ZNF354A: variants seen among roughly 807,000 people sequenced by gnomAD.
ZNF354A encodes the protein epididymis luminal protein 104.
ZNF354A carries 25 observed loss-of-function variants against 53.3 expected under a neutral mutation model. That is an observed-to-expected ratio of 0.47 (90% CI 0.34 to 0.66). ZNF354A has a LOEUF of 0.66. Ranked by LOEUF, ZNF354A falls within the 30% of genes least tolerant of loss-of-function variation. The probability of loss-of-function intolerance (pLI) is 0.01; values close to 1 mark genes in which losing one functional copy is unlikely to be tolerated. For missense variants in ZNF354A, 586 were observed against 716.8 expected, an observed-to-expected ratio of 0.82 and a Z score of 2.08; for synonymous variants, 228 against 249.0, an observed-to-expected ratio of 0.92 and a Z score of 0.79.
At chr5:178,721,594 A>G (rs4579271) in intron 4 of ZNF354A, among the ~76,000 whole-genome samples, 143,702 of 152,218 alleles carry the variant, frequency 0.94, 68,086 homozygotes, top group Middle Eastern at 0.99. Context: ...ACTCCATAGT[A>G]GAAGTTACAG....
chr5:178,718,262 GT>G (rs1262951399), intron 4 of ZNF354A, among the ~76,000 whole-genome samples: 2 of 152,228 alleles, frequency 1.3e-5, no homozygotes, highest in Non-Finnish European at 2.9e-5. Context: ...CTGAGGTGCA[GT>G]TCAACCTTTG....
At chr5:178,728,084 T>C (rs7736895) in intron 2 of ZNF354A, among the ~76,000 whole-genome samples, 1,967 of 152,246 alleles carry the variant, frequency 0.013, 31 homozygotes, top group African/African-American at 0.045. Context: ...TCAGGCGATC[T>C]GCCGGCCTCG....
Position 178,712,949 on chromosome 5 carries a change from C to T in ZNF354A, c.929G>A (p.Arg310Lys). The change falls in exon 5 of 5, where the codon AGG becomes AAG. Residue 310 changes from arginine (R) to lysine (K), a missense_variant. By Grantham distance (26) the Arg-to-Lys change is conservative. Transcript: ENST00000335815. ...CKECGKSFSR[R>K]SGLFIHQKIH... is the part of the protein sequence containing the mutation. ...TTTTTGATGTATAAAAAGGCCTGAC[C>T]TTCGGCTGAAGGATTTACCACATTC... is the stretch of plus-strand genomic sequence containing the variant. 1 of 1,614,028 alleles carries T rather than the reference C, an allele frequency of 6.2e-7. No individual in the cohort carries two copies.
chr5:178,717,077 C>CAAAAAAAAAAAAAAAAAAAAAAAGAAAAA, intron 4 of ZNF354A, among the ~76,000 whole-genome samples: 1 of 65,498 alleles, frequency 1.5e-5, no homozygotes, highest in Admixed American at 2.0e-4. Context: ...GACTCCATCT[C>CAAAAAAAAAAAAAAAAAAAAAAAGAAAAA]AAAAAAAAAA....
intron 4 of ZNF354A, among the ~76,000 whole-genome samples, chr5:178,713,842 C>A (rs1765668952): frequency 6.6e-6 from 1 of 151,720 alleles, no homozygotes; most frequent in African/African-American, 2.4e-5. Context: ...ATAAAGCAAA[C>A]CCATTTAAAG....
intron 4 of ZNF354A, among the ~76,000 whole-genome samples, chr5:178,717,744 C>T (rs932711016): frequency 2.0e-5 from 3 of 152,118 alleles, no homozygotes; most frequent in Non-Finnish European, 4.4e-5. Context: ...CACTTAGACA[C>T]TGAAATATTA....
At chr5:178,715,625 A>G (rs1371315294) in intron 4 of ZNF354A, among the ~76,000 whole-genome samples, 1 of 152,158 alleles carries the variant, frequency 6.6e-6, no homozygotes, top group Admixed American at 6.5e-5. Flanking sequence ...CCCTGTGAAT[A>G]TCGGTCGTTG....
intron 4 of ZNF354A, among the ~76,000 whole-genome samples, chr5:178,724,835 C>CT (rs1337612949): frequency 3.3e-5 from 5 of 152,186 alleles, no homozygotes; most frequent in African/African-American, 1.2e-4. Context: ...TCCCTGGACT[C>CT]TTGTTTTCAG....
At chr5:178,723,007 CG>C in intron 4 of ZNF354A, among the ~76,000 whole-genome samples, 1 of 152,168 alleles carries the variant, frequency 6.6e-6, no homozygotes, top group Non-Finnish European at 1.5e-5. Flanking sequence ...GCCTGCTTGG[CG>C]CCCCCCATGA....
At chr5:178,725,506 C>G (rs1765889129) in intron 3 of ZNF354A, 35 bp from the exon 4 acceptor site, 3 of 1,599,018 alleles carry the variant, frequency 1.9e-6, no homozygotes, top group African/African-American at 1.3e-5. Flanking sequence ...CCAAACAAAT[C>G]AGACTTGGTT....
rs113073261 is a variant in ZNF354A at position 178,713,904 on chromosome 5, G to A, written c.257-283C>T. 1.9e-3 allele frequency among the ~76,000 whole-genome samples: 283 copies of A among 151,974 alleles called. 1 individual carries two copies. The highest frequency in any genetic ancestry group is 6.3e-3 in the African/African-American group (260 of 41,488). ...TTGGCTAATGAAGAACAGAGAAAAGGGTTATAAAGGGATCATGAGTTGAAA... is the reference window on the plus strand; with the variant it reads ...TTGGCTAATGAAGAACAGAGAAAAGAGTTATAAAGGGATCATGAGTTGAAA... On this transcript the variant is annotated intron_variant, in intron 4 of 4. Coordinates refer to ENST00000335815, the MANE Select transcript of ZNF354A (RefSeq NM_005649.3).
rs1765670768 is a variant in ZNF354A at position 178,713,976 on chromosome 5, T to TA, written c.257-356_257-355insT. 2.2e-5 allele frequency among the ~76,000 whole-genome samples: 3 copies of TA among 138,730 alleles called. No individual in the cohort carries two copies. In the South Asian group the frequency reaches 7.8e-4, roughly 36 times the overall value. 91.0% of individuals were successfully genotyped at this position (138,730 alleles called of 152,430 possible). A position where few individuals can be genotyped will look rare whatever the true frequency, so the allele number is the denominator to read the frequency against. ...CCAAAACCCATGATGGAATCCTAATTTTTTTTTGTTTTTTTTTTTTGACAT... is the reference window on the plus strand; with the variant it reads ...CCAAAACCCATGATGGAATCCTAATTATTTTTTTGTTTTTTTTTTTTGACAT... On this transcript the variant is annotated intron_variant, in intron 4 of 4. Coordinates refer to ENST00000335815, the MANE Select transcript of ZNF354A (RefSeq NM_005649.3).
chr5:178,712,296 C>T lies in ZNF354A; in HGVS notation c.1582G>A (p.Gly528Arg). ...GEKPYRCEEC[G>R]ISFGQSSALI... ...GCTGAACTTTGGCCAAAAGATATCC[C>T]ACATTCCTCACATCGATATGGTTTC... is the stretch of plus-strand genomic sequence containing the variant. The change falls in exon 5 of 5, where the codon GGG becomes AGG. Residue 528 changes from glycine to arginine, a missense_variant. Gly to Arg is a moderately radical substitution (Grantham distance 125). Around this residue, in one of 2 missense-constraint regions of ZNF354A, gnomAD observed 573 missense variants for 680.1 expected, o/e 0.84. Coordinates refer to ENST00000335815, the MANE Select transcript of ZNF354A (RefSeq NM_005649.3). 1.9e-6 allele frequency: 3 copies of T among 1,614,078 alleles called. No individual in the cohort carries two copies. The highest frequency in any genetic ancestry group is 2.5e-6 in the Non-Finnish European group (3 of 1,179,996).
At chr5:178,729,725 T>C (rs1765991341) in intron 1 of ZNF354A, among the ~76,000 whole-genome samples, 1 of 147,778 alleles carries the variant, frequency 6.8e-6, no homozygotes, top group Admixed American at 6.7e-5. Flanking sequence ...TTTTGTATTT[T>C]TAGTAGAGAC....
chr5:178,722,546 T>C (rs983966108), intron 4 of ZNF354A, among the ~76,000 whole-genome samples: 2 of 152,186 alleles, frequency 1.3e-5, no homozygotes, highest in Non-Finnish European at 2.9e-5. Context: ...CCCCATCTCC[T>C]CTATCTTCCA....
chr5:178,724,263 C>T (rs1159851314), intron 4 of ZNF354A, among the ~76,000 whole-genome samples: 7 of 150,942 alleles, frequency 4.6e-5, no homozygotes, highest in Non-Finnish European at 1.0e-4. Flanking sequence ...CTCACTCTGT[C>T]GCCAAGGCTG....
chr5:178,729,431 G>A, intron 1 of ZNF354A: 1 of 158,074 alleles, frequency 6.3e-6, no homozygotes, highest in East Asian at 2.1e-4. Context: ...CGTTCACGCC[G>A]CTGCGAGGCG....
Position 178,713,063 on chromosome 5 carries a change from C to T in ZNF354A, c.815G>A (p.Cys272Tyr). ...ITHTGEKPYI[C>Y]KECGKAFTLS... ...AGTAAAGGCTTTCCCACATTCTTTA[C>T]ATATGTAGGGTTTCTCTCCAGTATG... Residue 272 changes from cysteine (C) to tyrosine (Y), a missense_variant, in exon 5 of 5, where the codon TGT (cysteine) becomes TAT (tyrosine). Physicochemically the swap from Cys to Tyr is radical, Grantham distance 194 (BLOSUM62 -2). Transcript: ENST00000335815. 1 of 1,614,018 alleles carries T rather than the reference C, an allele frequency of 6.2e-7. No individual in the cohort carries two copies. Among genetic ancestry groups the T allele is most frequent in the African/African-American group, 1.3e-5 (1 of 75,062 alleles).
intron 4 of ZNF354A, among the ~76,000 whole-genome samples, chr5:178,724,242 T>TA (rs980785311): frequency 4.6e-5 from 7 of 150,840 alleles, no homozygotes; most frequent in African/African-American, 1.5e-4. Context: ...TTTTTTTTTT[T>TA]AAGACAGAGT....
Sources: allele counts gnomAD v4.1 joint callset (sites outside exome capture counted in the v4.1 genomes callset), GRCh38; gene constraint gnomAD v4.1.1; regional missense constraint gnomAD v4.1.1; transcripts MANE v1.5; gene names NCBI Gene and HGNC (gene_info 2026-07-23, HGNC 2026-07-21).